Variants in TENM2 observed in about 807,000 individuals in gnomAD.
TENM2 encodes teneurin-2.
TENM2 carries 52 observed loss-of-function variants against 245.2 expected under a neutral mutation model. The ratio of observed to expected loss-of-function variants is 0.21; its 90% CI spans 0.17 to 0.27. TENM2 has a LOEUF of 0.27. Ranked by LOEUF, TENM2 falls within the 10% of genes least tolerant of loss-of-function variation. TENM2 has a pLI of 1.00. For missense variants in TENM2, 3,046 were observed against 3,666.8 expected, an observed-to-expected ratio of 0.83 and a Z score of 4.37; for synonymous variants, 1,363 against 1,438.9, an observed-to-expected ratio of 0.95 and a Z score of 1.19.
chr5:167,075,819 C>A, the TENM2 span, among the ~76,000 whole-genome samples: 1 of 152,162 alleles, frequency 6.6e-6, no homozygotes, highest in Non-Finnish European at 1.5e-5. Flanking sequence ...TTTCATTGAA[C>A]CTGTTTTCAA....
the TENM2 span, among the ~76,000 whole-genome samples, chr5:167,199,981 C>A: frequency 2.6e-5 from 4 of 152,008 alleles, no homozygotes; most frequent in African/African-American, 9.7e-5. Context: ...GGTACAAACT[C>A]CTGGCCTGGT....
chr5:167,902,772 G>A (rs146076584), intron 3 of TENM2, among the ~76,000 whole-genome samples: 11 of 152,270 alleles, frequency 7.2e-5, no homozygotes, highest in South Asian at 2.1e-4. Flanking sequence ...GAAAGTGATC[G>A]TGTGTGACAG....
At chr5:167,633,958 G>A (rs1013420957) in intron 2 of TENM2, among the ~76,000 whole-genome samples, 4 of 152,156 alleles carry the variant, frequency 2.6e-5, no homozygotes, top group East Asian at 3.9e-4. Flanking sequence ...ATGGTTGGGC[G>A]TTTCCTGAGC....
intron 2 of TENM2, among the ~76,000 whole-genome samples, chr5:167,729,409 TAAC>T (rs775391866): frequency 6.6e-6 from 1 of 152,230 alleles, no homozygotes; most frequent in Non-Finnish European, 1.5e-5. Flanking sequence ...TCTATTAAAA[TAAC>T]AATATAAAAT....
the TENM2 span, among the ~76,000 whole-genome samples, chr5:167,266,846 A>C: frequency 2.0e-3 from 301 of 152,308 alleles, 7 homozygotes; most frequent in East Asian, 0.047. Context: ...CGGTTCATGA[A>C]ATGTGAATGT....
intron 2 of TENM2, among the ~76,000 whole-genome samples, chr5:167,459,911 A>AAC (rs57053799): frequency 0.32 from 48,370 of 149,536 alleles, 7,869 homozygotes; most frequent in East Asian, 0.5. Context: ...TATAAAGATA[A>AAC]ACACACACAC....
chr5:167,581,125 G>A (rs757848794), intron 2 of TENM2, among the ~76,000 whole-genome samples: 1 of 152,160 alleles, frequency 6.6e-6, no homozygotes, highest in Admixed American at 6.5e-5. Context: ...TCATCAAATA[G>A]TGTACTCTTC....
intron 2 of TENM2, among the ~76,000 whole-genome samples, chr5:167,671,894 A>G (rs972514639): frequency 3.9e-5 from 6 of 151,978 alleles, no homozygotes; most frequent in Non-Finnish European, 8.8e-5. Flanking sequence ...TCTGGGCTAT[A>G]AACATTTCAA....
chr5:167,971,677 G>C lies in TENM2; in HGVS notation c.947+18855G>C, dbSNP rs540677518. ...GATCGCGCCACTGCACTCCAGCCTG[G>C]GTGACAGAGTGAGACTCCATCTAAA... On this transcript the variant is annotated intron_variant, in intron 4 of 28. Coordinates refer to ENST00000518659, the Ensembl canonical transcript of TENM2. Among the ~76,000 whole-genome samples, 76 of 151,442 alleles carry C rather than the reference G, an allele frequency of 5.0e-4. 1 individual carries two copies. The Middle Eastern group carries it at 0.027, about 54-fold the overall frequency.
chr5:167,024,883 C>T, the TENM2 span, among the ~76,000 whole-genome samples: 6 of 152,318 alleles, frequency 3.9e-5, no homozygotes, highest in East Asian at 1.2e-3. Flanking sequence ...TTGTCAGCAT[C>T]TTCCCACTGC....
intron 2 of TENM2, among the ~76,000 whole-genome samples, chr5:167,825,182 T>C (rs1356736006): frequency 1.3e-5 from 2 of 151,956 alleles, no homozygotes; most frequent in Admixed American, 6.6e-5. Context: ...CTTCTGGAGG[T>C]GGAATCCAAA....
chr5:167,253,859 G>A, the TENM2 span, among the ~76,000 whole-genome samples: 1 of 152,074 alleles, frequency 6.6e-6, no homozygotes, highest in Non-Finnish European at 1.5e-5. Context: ...CTGAAGGTCT[G>A]AAAGATTCTG....
chr5:167,635,940 G>A lies in TENM2; in HGVS notation c.503-240046G>A, dbSNP rs542893219. 4.6e-5 allele frequency among the ~76,000 whole-genome samples: 7 copies of A among 151,438 alleles called. No homozygotes were observed. The South Asian group carries it at 8.4e-4, about 18-fold the overall frequency. ...ATTACAGGCGTGAGTCACAGCGCCC[G>A]GCCCAGTCTTTTCTTAAGATCACAC... On this transcript the variant is annotated intron_variant, in intron 2 of 28. Coordinates refer to ENST00000518659, the Ensembl canonical transcript of TENM2.
intron 2 of TENM2, among the ~76,000 whole-genome samples, chr5:167,829,319 T>A (rs1768262534): frequency 1.3e-5 from 2 of 152,220 alleles, no homozygotes; most frequent in African/African-American, 4.8e-5. Context: ...CTTGCCAGCT[T>A]GTTGAGGATA....
intron 20 of TENM2, among the ~76,000 whole-genome samples, chr5:168,212,261 T>A (rs947340165): frequency 6.6e-6 from 1 of 152,194 alleles, no homozygotes; most frequent in African/African-American, 2.4e-5. Flanking sequence ...AGAATTTTCA[T>A]GGAGTAAAAT....
the TENM2 span, among the ~76,000 whole-genome samples, chr5:167,145,795 A>C: frequency 6.6e-6 from 1 of 152,136 alleles, no homozygotes; most frequent in Non-Finnish European, 1.5e-5. Flanking sequence ...GAACGATAGC[A>C]GTTTGAATTT....
intron 2 of TENM2, among the ~76,000 whole-genome samples, chr5:167,859,963 G>T (rs1301710106): frequency 1.0e-4 from 6 of 57,162 alleles, no homozygotes; most frequent in Non-Finnish European, 1.6e-4. Flanking sequence ...GAGGTGGGGG[G>T]GTCGGCCCCC....
chr5:167,610,795 T>G (rs1476305162), intron 2 of TENM2, among the ~76,000 whole-genome samples: 2 of 152,192 alleles, frequency 1.3e-5, no homozygotes, highest in Non-Finnish European at 2.9e-5. Context: ...AACATCAATT[T>G]TCTTTTCAGG....
intron 2 of TENM2, among the ~76,000 whole-genome samples, chr5:167,516,993 T>G (rs1770425297): frequency 6.6e-6 from 1 of 152,228 alleles, no homozygotes; most frequent in Admixed American, 6.5e-5. Flanking sequence ...TTATCTAAAC[T>G]TTTGCAATTT....
Sources: allele counts gnomAD v4.1 joint callset (sites outside exome capture counted in the v4.1 genomes callset), GRCh38; gene constraint gnomAD v4.1.1; transcripts MANE v1.5; gene names NCBI Gene and HGNC (gene_info 2026-07-23, HGNC 2026-07-21).